The following GRID2 variants were observed in gnomAD, a reference collection of about 807,000 sequenced individuals.
GRID2 encodes the protein glutamate receptor ionotropic, delta-2.
Under a neutral mutation model 114.8 loss-of-function variants are expected in GRID2, and 33 were observed. The ratio of observed to expected loss-of-function variants is 0.29; its 90% CI spans 0.22 to 0.38. The LOEUF is 0.38. GRID2 is among the 10% of genes least tolerant of loss of function. The pLI is 1.00. For missense variants in GRID2, 1,184 were observed against 1,257.7 expected, an observed-to-expected ratio of 0.94 and a Z score of 0.89; for synonymous variants, 505 against 449.9, an observed-to-expected ratio of 1.12 and a Z score of -1.55.
intron 2 of GRID2, among the ~76,000 whole-genome samples, chr4:92,802,011 A>G (rs1190551543): frequency 6.6e-6 from 1 of 151,926 alleles, no homozygotes; most frequent in African/African-American, 2.4e-5. Context: ...AAACTTCATA[A>G]TATACTATCG....
chr4:92,737,843 TA>T (rs1331193334), intron 2 of GRID2, among the ~76,000 whole-genome samples: 2 of 152,156 alleles, frequency 1.3e-5, no homozygotes, highest in Admixed American at 6.6e-5. Context: ...GTTTCTAAAC[TA>T]ATACTATAGA....
intron 2 of GRID2, among the ~76,000 whole-genome samples, chr4:92,899,742 G>A (rs1747435711): frequency 6.6e-6 from 1 of 152,178 alleles, no homozygotes; most frequent in South Asian, 2.1e-4. Context: ...GTTTTTGCTT[G>A]TACCTAAGTT....
At chr4:93,697,601 C>T (rs1259347704) in intron 14 of GRID2, among the ~76,000 whole-genome samples, 1 of 151,712 alleles carries the variant, frequency 6.6e-6, no homozygotes, top group African/African-American at 2.4e-5. Flanking sequence ...CCAGATGCTA[C>T]CGAATATTAG....
chr4:93,344,397 C>A (rs2149251001), intron 8 of GRID2, among the ~76,000 whole-genome samples: 1 of 151,876 alleles, frequency 6.6e-6, no homozygotes, highest in South Asian at 2.1e-4. Flanking sequence ...CAACTGTGGC[C>A]ATGGGTGGCT....
At chr4:93,163,390 A>ACAC (rs1288614257) in intron 4 of GRID2, among the ~76,000 whole-genome samples, 6 of 40,746 alleles carry the variant, frequency 1.5e-4, no homozygotes, top group African/African-American at 6.9e-4. Context: ...ATATATATAT[A>ACAC]TATATATATA....
At chr4:92,405,916 G>T (rs1731006476) in intron 1 of GRID2, among the ~76,000 whole-genome samples, 1 of 152,032 alleles carries the variant, frequency 6.6e-6, no homozygotes, top group African/African-American at 2.4e-5. Context: ...CAATCACAAG[G>T]TCCCACAACA....
intron 4 of GRID2, among the ~76,000 whole-genome samples, chr4:93,161,976 G>T (rs1358121361): frequency 6.6e-6 from 1 of 151,438 alleles, no homozygotes; most frequent in African/African-American, 2.4e-5. Context: ...CAGCAATTTA[G>T]TCAATTTCTA....
intron 13 of GRID2, among the ~76,000 whole-genome samples, chr4:93,519,020 C>A (rs879504034): frequency 6.6e-6 from 1 of 152,112 alleles, no homozygotes; most frequent in Non-Finnish European, 1.5e-5. Context: ...GTCTGCATCA[C>A]GTGAGAGCTT....
At chr4:93,485,914 T>C (rs572066741) in intron 11 of GRID2, among the ~76,000 whole-genome samples, 2 of 151,750 alleles carry the variant, frequency 1.3e-5, no homozygotes, top group South Asian at 2.1e-4. Context: ...GGATTTTTAA[T>C]TGGGAATTCA....
chr4:93,684,052 A>T (rs931660373), intron 14 of GRID2, among the ~76,000 whole-genome samples: 12 of 152,286 alleles, frequency 7.9e-5, no homozygotes, highest in African/African-American at 2.9e-4. Flanking sequence ...AAAGGAAGAT[A>T]TAAAATTATA....
intron 2 of GRID2, among the ~76,000 whole-genome samples, chr4:92,741,748 G>A (rs1409547787): frequency 6.6e-6 from 1 of 152,076 alleles, no homozygotes; most frequent in Non-Finnish European, 1.5e-5. Flanking sequence ...TTTCCCCTCA[G>A]AATAGAAGGT....
intron 12 of GRID2, among the ~76,000 whole-genome samples, chr4:93,504,487 A>G (rs1279212516): frequency 2.0e-5 from 3 of 151,938 alleles, no homozygotes; most frequent in Non-Finnish European, 2.9e-5. Context: ...ATTGACTAGA[A>G]CTCCACTGTA....
At chr4:92,331,976 A>T (rs17019316) in intron 1 of GRID2, among the ~76,000 whole-genome samples, 16,562 of 152,076 alleles carry the variant, frequency 0.11, 2,266 homozygotes, top group African/African-American at 0.32. Context: ...AAACCATTGC[A>T]TGTGATTCTC....
intron 12 of GRID2, among the ~76,000 whole-genome samples, chr4:93,506,603 A>G (rs995937976): frequency 1.3e-5 from 2 of 152,154 alleles, no homozygotes; most frequent in African/African-American, 4.8e-5. Context: ...AAAGGGACAG[A>G]ATGGAGCGAC....
At chr4:92,545,283 A>T (rs1213046010) in intron 1 of GRID2, among the ~76,000 whole-genome samples, 2 of 152,178 alleles carry the variant, frequency 1.3e-5, no homozygotes, top group African/African-American at 4.8e-5. Flanking sequence ...GCACTGCACA[A>T]TAGAGAAAAA....
At chr4:93,384,552 A>G (rs1280124883) in intron 8 of GRID2, among the ~76,000 whole-genome samples, 2 of 152,172 alleles carry the variant, frequency 1.3e-5, no homozygotes, top group African/African-American at 2.4e-5. Context: ...CATTTCAAAA[A>G]CAATCACAAA....
chr4:93,106,170 T>G (rs1219925115), intron 3 of GRID2, among the ~76,000 whole-genome samples: 1 of 152,122 alleles, frequency 6.6e-6, no homozygotes, highest in Non-Finnish European at 1.5e-5. Context: ...TAGCACCTAG[T>G]CACACCCACT....
chr4:92,738,674 C>T (rs1233596327), intron 2 of GRID2, among the ~76,000 whole-genome samples: 1 of 151,938 alleles, frequency 6.6e-6, no homozygotes, highest in African/African-American at 2.4e-5. Context: ...TTTTTAGAGA[C>T]AGGATCTCAC....
chr4:92,590,760 C>T (rs553500059), intron 2 of GRID2, among the ~76,000 whole-genome samples: 2 of 152,236 alleles, frequency 1.3e-5, no homozygotes, highest in African/African-American at 4.8e-5. Context: ...AACATACTGA[C>T]CTACGCTATA....
Sources: gnomAD v4.1 joint callset for allele counts (sites outside exome capture counted in the v4.1 genomes callset) on GRCh38, gnomAD v4.1.1 for gene constraint, MANE v1.5 for transcripts, NCBI Gene and HGNC (gene_info 2026-07-23, HGNC 2026-07-21) for gene names.